The following SLC1A1 variants were observed in gnomAD, a reference collection of about 807,000 sequenced individuals.
SLC1A1 encodes the protein solute carrier family 1 member 1.
SLC1A1 carries 43 observed loss-of-function variants against 53.3 expected under a neutral mutation model. The ratio of observed to expected loss-of-function variants is 0.81; its 90% CI spans 0.63 to 1.04. SLC1A1 has a LOEUF of 1.04. Ranked by LOEUF, SLC1A1 falls within the 50% of genes least tolerant of loss-of-function variation. SLC1A1 has a pLI of 0.00. For synonymous variants in SLC1A1, 307 were observed against 243.2 expected (o/e 1.26, Z -2.44); for missense variants, 748 against 664.9 (o/e 1.12, Z -1.37).
intron 11 of SLC1A1, among the ~76,000 whole-genome samples, chr9:4,584,351 G>A (rs1227578329): frequency 6.6e-6 from 1 of 152,148 alleles, no homozygotes; most frequent in African/African-American, 2.4e-5. Flanking sequence ...GTCAAGATTT[G>A]GTTCTTTCTA....
intron 1 of SLC1A1, among the ~76,000 whole-genome samples, chr9:4,528,635 G>T (rs1203026805): frequency 6.6e-6 from 1 of 152,134 alleles, no homozygotes; most frequent in Non-Finnish European, 1.5e-5. Flanking sequence ...GAGTATTCTG[G>T]TTTAAGAAGG....
intron 1 of SLC1A1, among the ~76,000 whole-genome samples, chr9:4,522,168 A>T (rs923376606): frequency 2.7e-5 from 4 of 147,996 alleles, no homozygotes; most frequent in African/African-American, 1.0e-4. Context: ...TCTCCTGCCT[A>T]AGCCTCCCGA....
intron 1 of SLC1A1, among the ~76,000 whole-genome samples, chr9:4,520,123 C>T (rs537955867): frequency 2.2e-4 from 34 of 152,148 alleles, no homozygotes; most frequent in Non-Finnish European, 4.0e-4. Context: ...TTAAATTGAT[C>T]ATCATCTTTT....
intron 8 of SLC1A1, among the ~76,000 whole-genome samples, chr9:4,575,181 C>T (rs867816319): frequency 4.6e-5 from 7 of 152,180 alleles, no homozygotes; most frequent in African/African-American, 4.8e-5. Flanking sequence ...AAGATCCTCT[C>T]GCCAGAACTC....
intron 1 of SLC1A1, among the ~76,000 whole-genome samples, chr9:4,543,111 G>A (rs1399967185): frequency 1.3e-5 from 2 of 152,100 alleles, no homozygotes; most frequent in East Asian, 3.9e-4. Context: ...TCTACTAGTG[G>A]GCATGGGAAG....
At chr9:4,521,781 A>C (rs1311594368) in intron 1 of SLC1A1, among the ~76,000 whole-genome samples, 1 of 152,124 alleles carries the variant, frequency 6.6e-6, no homozygotes, top group Non-Finnish European at 1.5e-5. Flanking sequence ...GGGCAAGTGC[A>C]GTTGATGGTG....
Position 4,567,754 on chromosome 9 carries a change from C to G in SLC1A1, c.569C>G (p.Thr190Ser), listed in dbSNP as rs377716586. ...GAGTCCTTCACAGCTGTCATGACAACTGCAATTTCCAAGGTACCATTCTTA... is the reference window on the plus strand; with the variant it reads ...GAGTCCTTCACAGCTGTCATGACAAGTGCAATTTCCAAGGTACCATTCTTA... ...TEESFTAVMT[T>S]AISKNKTKEY... The change falls in exon 6 of 12, where the codon ACT becomes AGT. Residue 190 changes from threonine to serine, a missense_variant. Physicochemically the swap from Thr to Ser is moderately conservative, Grantham distance 58 (BLOSUM62 1). Transcript: ENST00000262352. 5 of 1,604,028 alleles carry G rather than the reference C, an allele frequency of 3.1e-6. No homozygotes were observed. In the African/African-American group the frequency reaches 6.7e-5, roughly 21 times the overall value.
At chr9:4,576,394 G>A (rs543607128) in intron 9 of SLC1A1, among the ~76,000 whole-genome samples, 175 bp from the exon 10 acceptor site, 1 of 152,162 alleles carries the variant, frequency 6.6e-6, no homozygotes, top group East Asian at 1.9e-4. Flanking sequence ...CTGCCTAAAG[G>A]GCTAGCATGA....
chr9:4,583,595 A>G lies in SLC1A1; in HGVS notation c.1328+423A>G, dbSNP rs1821302801. Among the ~76,000 whole-genome samples the G allele has an allele frequency of 6.6e-6, 1 of 152,148 alleles. No homozygotes were observed. Among genetic ancestry groups the G allele is most frequent in the Admixed American group, 6.5e-5 (1 of 15,270 alleles). On this transcript the variant is annotated intron_variant, in intron 11 of 11. Coordinates refer to ENST00000262352, the MANE Select transcript of SLC1A1 (RefSeq NM_004170.6). The surrounding 1 kb of genome is among the most constrained non-coding windows in gnomAD (Gnocchi z 4.6). ...AACCATCAGGGACAGTGGCACAAGC[A>G]CTTGGGTTTGAATCTCCGTCCTGTG...
At chr9:4,522,351 T>C (rs1013354075) in intron 1 of SLC1A1, among the ~76,000 whole-genome samples, 1 of 152,056 alleles carries the variant, frequency 6.6e-6, no homozygotes, top group African/African-American at 2.4e-5. Context: ...ACGCCTGGCC[T>C]GAACCTGCCT....
At position 4,585,723 on chromosome 9, in the gene SLC1A1, TG is replaced by T; in HGVS notation, c.*168del. On this transcript the variant is annotated 3_prime_UTR_variant, in exon 12 of 12. Coordinates refer to ENST00000262352, the MANE Select transcript of SLC1A1 (RefSeq NM_004170.6). ...ATTTGGATTCACAGCCTTTGCGCTC[TG>T]GGTTTTGGGATTTGGGTGTGGGGTA... is the stretch of plus-strand genomic sequence containing the variant. 4.6e-6 allele frequency: 4 copies of T among 865,612 alleles called. No individual in the cohort carries two copies. The highest frequency in any genetic ancestry group is 7.1e-6 in the Non-Finnish European group (4 of 562,866). 53.6% of individuals were successfully genotyped at this position (865,612 alleles called of 1,614,324 possible). A position where few individuals can be genotyped will look rare whatever the true frequency, so the allele number is the denominator to read the frequency against.
chr9:4,583,855 C>CTA lies in SLC1A1; in HGVS notation c.1328+684_1328+685insAT, dbSNP rs1821327930. On this transcript the variant is annotated intron_variant, in intron 11 of 11. Transcript: ENST00000262352. This position sits in a 1 kb window ranked among gnomAD's most constrained non-coding sequence, Gnocchi z 4.6. Reference sequence around the variant, plus strand: ...ATTCAGGCCCCAATCAACAACACTTCTCTCTCTCTCTCTCTCTCTCTCTCT... The same window carrying CTA: ...ATTCAGGCCCCAATCAACAACACTTCTATCTCTCTCTCTCTCTCTCTCTCTCT... 9.0e-6 allele frequency among the ~76,000 whole-genome samples: 1 copy of CTA among 111,638 alleles called. No homozygotes were observed. The highest frequency in any genetic ancestry group is 4.3e-5 in the African/African-American group (1 of 23,242). The allele number at this position is 111,638 out of a possible 152,430, so 73.2% of individuals were successfully genotyped here. A position where few individuals can be genotyped will look rare whatever the true frequency, so the allele number is the denominator to read the frequency against.
At chr9:4,493,378 A>G (rs905595810) in intron 1 of SLC1A1, among the ~76,000 whole-genome samples, 1 of 152,192 alleles carries the variant, frequency 6.6e-6, no homozygotes, top group Non-Finnish European at 1.5e-5. Flanking sequence ...ATTGACAGTG[A>G]AATTCCAGTG....
intron 1 of SLC1A1, among the ~76,000 whole-genome samples, chr9:4,527,724 T>C (rs1030371524): frequency 1.2e-4 from 19 of 152,084 alleles, no homozygotes; most frequent in African/African-American, 4.3e-4. Context: ...ATCTCTATTA[T>C]ATGGAGTTTG....
At chr9:4,565,400 G>A (rs1162374845) in intron 4 of SLC1A1, among the ~76,000 whole-genome samples, 1 of 152,142 alleles carries the variant, frequency 6.6e-6, no homozygotes, top group Non-Finnish European at 1.5e-5. Flanking sequence ...AATTTATAAC[G>A]GGAAGAGGCT....
chr9:4,505,394 T>C (rs1357077135), intron 1 of SLC1A1, among the ~76,000 whole-genome samples: 1 of 152,104 alleles, frequency 6.6e-6, no homozygotes, highest in Non-Finnish European at 1.5e-5. Flanking sequence ...GGTCTTGTCT[T>C]TCACCTTTTA....
rs180738165 is a variant in SLC1A1, at chr9:4,581,708, G to A, written c.1194-1330G>A. Among the ~76,000 whole-genome samples, 59 of 152,328 alleles carry A rather than the reference G, an allele frequency of 3.9e-4. No individual in the cohort carries two copies. In the East Asian group the frequency reaches 0.011, roughly 28 times the overall value. On this transcript the variant is annotated intron_variant, in intron 10 of 11. Coordinates refer to ENST00000262352, the MANE Select transcript of SLC1A1 (RefSeq NM_004170.6). ...GTCAGAAGAGATCCAAAGGGTTATA[G>A]AGGCCAGAAACCTTTGAGACTGAGG...
In SLC1A1 at chr9:4,537,282, G is replaced by A. The variant is rs529550806; in HGVS notation, c.92-7285G>A. ...CTTTTTAAAAAAATCACATGCGGCC[G>A]GGCGCGGTGGCTCACGCCTGTAATC... On this transcript the variant is annotated intron_variant, in intron 1 of 11. Coordinates refer to ENST00000262352, the MANE Select transcript of SLC1A1 (RefSeq NM_004170.6). Among the ~76,000 whole-genome samples, 44 of 39,212 alleles carry A rather than the reference G, an allele frequency of 1.1e-3. 12 individuals are homozygous for A. The highest frequency in any genetic ancestry group is 4.5e-3 in the Admixed American group (16 of 3,578). The allele number at this position is 39,212 out of a possible 152,430, so 25.7% of individuals were successfully genotyped here. A position where few individuals can be genotyped will look rare whatever the true frequency, so the allele number is the denominator to read the frequency against.
At chr9:4,536,410 G>C (rs2130863106) in intron 1 of SLC1A1, among the ~76,000 whole-genome samples, 1 of 152,252 alleles carries the variant, frequency 6.6e-6, no homozygotes, top group East Asian at 1.9e-4. Flanking sequence ...CTCAAAAGAA[G>C]ACATTTATGC....
Sources: gnomAD v4.1 joint callset for allele counts (sites outside exome capture counted in the v4.1 genomes callset) on GRCh38, gnomAD v4.1.1 for gene constraint, Gnocchi (gnomAD v3.1) non-coding constraint, MANE v1.5 for transcripts, NCBI Gene and HGNC (gene_info 2026-07-23, HGNC 2026-07-21) for gene names.